GRK4: variants seen among roughly 807,000 people sequenced by gnomAD.
GRK4 encodes G protein-coupled receptor kinase 2-like.
Under a neutral mutation model 77.9 loss-of-function variants are expected in GRK4, and 73 were observed. The ratio of observed to expected loss-of-function variants is 0.94; its 90% confidence interval spans 0.78 to 1.14. GRK4 has a LOEUF of 1.14. GRK4 is among the 50% of genes most tolerant of loss of function. The pLI is 0.00. For missense variants in GRK4, 729 were observed against 700.2 expected (o/e 1.04, Z -0.46); for synonymous variants, 257 against 254.4 (o/e 1.01, Z -0.10).
chr4:2,974,443 T>G (rs965348818), intron 1 of GRK4, among the ~76,000 whole-genome samples: 2 of 152,222 alleles, frequency 1.3e-5, no homozygotes, highest in African/African-American at 4.8e-5. Context: ...CTCAGTGCCC[T>G]CTTTATACTA....
At chr4:3,001,541 T>C (rs1321933847) in intron 4 of GRK4, among the ~76,000 whole-genome samples, 1 of 151,940 alleles carries the variant, frequency 6.6e-6, no homozygotes, top group Non-Finnish European at 1.5e-5. Flanking sequence ...TAAATTTTTG[T>C]ATTTTTAGTA....
chr4:3,009,972 T>G (rs1010540407), intron 7 of GRK4, among the ~76,000 whole-genome samples: 2 of 152,246 alleles, frequency 1.3e-5, no homozygotes, highest in Non-Finnish European at 2.9e-5. Flanking sequence ...CCCAGCTCAG[T>G]CACTTTGCCC....
chr4:3,036,103 G>A (rs546737583), intron 13 of GRK4, among the ~76,000 whole-genome samples: 2 of 152,364 alleles, frequency 1.3e-5, no homozygotes, highest in South Asian at 2.1e-4. Flanking sequence ...TTACAGGCAT[G>A]AGCCACTACG....
intron 1 of GRK4, among the ~76,000 whole-genome samples, chr4:2,982,997 GA>G (rs1723267718): frequency 6.6e-6 from 1 of 152,342 alleles, no homozygotes; most frequent in Non-Finnish European, 1.5e-5. Context: ...TGAACATGTT[GA>G]ATGCCAGGTG....
At chr4:2,965,407 G>A in intron 1 of GRK4, 1 of 703,088 alleles carries the variant, frequency 1.4e-6, no homozygotes, top group Middle Eastern at 2.3e-4. Flanking sequence ...GCTAGCCACG[G>A]TAGTTCTTCA....
At position 3,028,021 on chromosome 4, in the gene GRK4, C is replaced by T. The variant is rs369762373; in HGVS notation, c.1060+20C>T. On this transcript the variant is annotated intron_variant, in intron 11 of 15. Transcript: ENST00000398052. Reference sequence around the variant, plus strand: ...ACATGGGTTCGTGAGAGGCTTTCGGCGTCCTTGTCCTTTCTATCCGGGTGC... The same window carrying T: ...ACATGGGTTCGTGAGAGGCTTTCGGTGTCCTTGTCCTTTCTATCCGGGTGC... 2.2e-5 allele frequency: 36 copies of T among 1,606,944 alleles called. No homozygotes were observed. The highest frequency in any genetic ancestry group is 2.0e-4 in the East Asian group (9 of 44,856).
rs747337441 is a variant in GRK4 at position 2,964,038 on chromosome 4, C to G, written c.-33C>G. The G allele has an allele frequency of 6.3e-7, 1 of 1,595,222 alleles. No homozygotes were observed. On this transcript the variant is annotated 5_prime_UTR_variant, in exon 1 of 16. Transcript: ENST00000398052. The stretch of plus-strand genomic sequence containing the variant: ...TCCGCCTCCTCAGTCTCCTCGGTCT[C>G]GCAGAATCCGCCGGCGGCGGCGGCG...
At position 3,013,760 on chromosome 4, in the gene GRK4, A is replaced by G. The variant is rs1578248981; in HGVS notation, c.673A>G (p.Lys225Glu). ...AAAGCTACAAAAAAAAAGAATAAAG[A>G]AGAGGAAAGGTGAAGCTATGGCTCT... ...CKKLQKKRIK[K>E]RKGEAMALNE... is the part of the protein sequence containing the mutation. The change falls in exon 8 of 16, where the codon AAG becomes GAG. Residue 225 changes from lysine (K) to glutamate (E), a missense_variant. Coordinates refer to ENST00000398052, the MANE Select transcript of GRK4 (RefSeq NM_182982.3). The G allele has an allele frequency of 6.2e-7, 1 of 1,613,792 alleles. No individual in the cohort carries two copies.
At chr4:3,035,309 T>G in intron 12 of GRK4, 77 bp from the exon 13 acceptor site, 11 of 1,422,230 alleles carry the variant, frequency 7.7e-6, no homozygotes, top group Non-Finnish European at 1.1e-5. Flanking sequence ...AGTCCTTTGG[T>G]TATTATTATG....
chr4:3,030,926 G>A (rs903498034), intron 12 of GRK4, among the ~76,000 whole-genome samples: 1 of 152,230 alleles, frequency 6.6e-6, no homozygotes, highest in South Asian at 2.1e-4. Context: ...TGAATGGACA[G>A]GGAGGAGGAA....
chr4:2,970,521 G>A (rs1185327095), intron 1 of GRK4, among the ~76,000 whole-genome samples: 5 of 151,888 alleles, frequency 3.3e-5, no homozygotes. Context: ...AGCCAGGCAT[G>A]GTGGCATGCA....
intron 4 of GRK4, among the ~76,000 whole-genome samples, chr4:2,993,816 CT>C (rs1305034544): frequency 6.6e-6 from 1 of 152,224 alleles, no homozygotes; most frequent in Non-Finnish European, 1.5e-5. Context: ...GACTAAGTGA[CT>C]TACCCAAGGT....
At chr4:2,969,562 G>C (rs1258899980) in intron 1 of GRK4, among the ~76,000 whole-genome samples, 1 of 151,910 alleles carries the variant, frequency 6.6e-6, no homozygotes, top group East Asian at 1.9e-4. Flanking sequence ...TTTTAGTAAA[G>C]ATGGGGTTTC....
chr4:3,025,186 G>T (rs1462964326), intron 10 of GRK4, among the ~76,000 whole-genome samples: 1 of 149,014 alleles, frequency 6.7e-6, no homozygotes, highest in African/African-American at 2.5e-5. Flanking sequence ...CAGAAGAATC[G>T]CTTGAACCTG....
In GRK4 at chr4:3,038,543, T is replaced by G. The variant is rs1217250066; in HGVS notation, c.1683+30T>G. ...AAAGACTTAAAAACTAATATATGTG[T>G]GTGTATGTGAAAAAAAAAAAAACAT... On this transcript the variant is annotated intron_variant, in intron 15 of 15. Coordinates refer to ENST00000398052, the MANE Select transcript of GRK4 (RefSeq NM_182982.3). The G allele has an allele frequency of 3.2e-6, 5 of 1,541,542 alleles. No homozygotes were observed. In the Admixed American group the frequency reaches 1.1e-4, roughly 35 times the overall value.
At chr4:2,985,589 T>G (rs1409835202) in intron 2 of GRK4, among the ~76,000 whole-genome samples, 2 of 151,928 alleles carry the variant, frequency 1.3e-5, no homozygotes, top group African/African-American at 4.8e-5. Flanking sequence ...GAAAAATTTC[T>G]AATGATCTTC....
At chr4:3,001,370 T>TA (rs369193474) in intron 4 of GRK4, among the ~76,000 whole-genome samples, 1,785 of 48,358 alleles carry the variant, frequency 0.037, 65 homozygotes, top group African/African-American at 0.11. Flanking sequence ...TATATATATA[T>TA]TTTTTTTTTT....
rs930334929 is a variant in GRK4 at position 2,963,622 on chromosome 4, T to C, written c.-449T>C. On this transcript the variant is annotated 5_prime_UTR_variant, in exon 1 of 16. Transcript: ENST00000398052. ...GGCGCTCCCTCTTCAGCTAAGCCGT[T>C]AGCGCCGAGCCCGCCCGGGAGCGGG... is the stretch of plus-strand genomic sequence containing the variant. 5.2e-6 allele frequency: 2 copies of C among 386,686 alleles called. No individual in the cohort carries two copies. The highest frequency in any genetic ancestry group is 9.2e-6 in the Non-Finnish European group (2 of 217,678). 24.0% of individuals were successfully genotyped at this position (386,686 alleles called of 1,614,324 possible). A position where few individuals can be genotyped will look rare whatever the true frequency, so the allele number is the denominator to read the frequency against.
intron 12 of GRK4, among the ~76,000 whole-genome samples, chr4:3,032,787 C>G (rs1275852672): frequency 6.6e-6 from 1 of 152,152 alleles, no homozygotes; most frequent in Non-Finnish European, 1.5e-5. Flanking sequence ...GCAAATAATC[C>G]TCCATAATTA....
Sources: allele counts gnomAD v4.1 joint callset (sites outside exome capture counted in the v4.1 genomes callset), GRCh38; gene constraint gnomAD v4.1.1; transcripts MANE v1.5; gene names NCBI Gene and HGNC (gene_info 2026-07-23, HGNC 2026-07-21).